PLA2G4B: variants seen among roughly 807,000 people sequenced by gnomAD.
The protein encoded by PLA2G4B is phospholipase A2 group IVB, also known as cytosolic phospholipase A2 beta.
Under a neutral mutation model 95.8 loss-of-function variants are expected in PLA2G4B, and 122 were observed. The ratio of observed to expected loss-of-function variants is 1.27; its 90% CI spans 1.10 to 1.48. PLA2G4B has a LOEUF of 1.48. Among genes scored for constraint, PLA2G4B ranks in the 40% most tolerant of loss-of-function variants. The pLI is 0.00. For synonymous variants in PLA2G4B, 518 were observed against 421.5 expected (o/e 1.23, Z -2.80); for missense variants, 1,158 against 996.2 (o/e 1.16, Z -2.19).
intron 10 of PLA2G4B, 149 bp downstream of exon 10, chr15:41,842,740 G>A (rs1394700033): frequency 1.9e-5 from 23 of 1,235,816 alleles, no homozygotes; most frequent in African/African-American, 4.6e-5. Context: ...GAGGGGGCAC[G>A]AAGTACTGGG....
rs796957985 is a variant in PLA2G4B, at chr15:41,845,509, A to T, written c.1358-129A>T. ...GAGGCAGGGGCCTTAGGTCCTATGC[A>T]CGAAGCCCAGGCCACAAGGCCTGGG... On this transcript the variant is annotated intron_variant, in intron 14 of 19. Coordinates refer to ENST00000458483, the MANE Select transcript of PLA2G4B (RefSeq NM_001114633.2). The T allele has an allele frequency of 1.6e-5, 24 of 1,498,204 alleles. No individual in the cohort carries two copies. The African/African-American group carries it at 2.9e-4, about 18-fold the overall frequency. 92.8% of individuals were successfully genotyped at this position (1,498,204 alleles called of 1,614,324 possible).
At chr15:41,847,298 G>T (rs757897823) in intron 18 of PLA2G4B, 39 bp from the exon 19 acceptor site, 1 of 1,557,244 alleles carries the variant, frequency 6.4e-7, no homozygotes, top group South Asian at 1.2e-5. Flanking sequence ...GGATGCCAGG[G>T]GCCCTGTCCC....
At chr15:41,846,595 CAG>C (rs1047369417) in intron 17 of PLA2G4B, 72 bp from the exon 18 acceptor site, 41 of 1,541,348 alleles carry the variant, frequency 2.7e-5, no homozygotes, top group Non-Finnish European at 3.1e-5. Flanking sequence ...GACCAGAGGC[CAG>C]AGTCTCTCCT....
In PLA2G4B at chr15:41,846,805, A is replaced by G; in HGVS notation, c.1917A>G (p.Ser639=). 1 of 1,612,824 alleles carries G rather than the reference A, an allele frequency of 6.2e-7. No homozygotes were observed. Among genetic ancestry groups the G allele is most frequent in the Non-Finnish European group, 8.5e-7 (1 of 1,179,124 alleles). The change falls in exon 18 of 20, where the codon TCA becomes TCG. Residue 639 remains serine (S), a synonymous_variant. Transcript: ENST00000458483. ...CTCGGGACGTGGACCTCATCCTGTC[A>G]TTGGACTACAACCTCCACGGAGCCT... ...QPTRDVDLIL[S]LDYNLHGAFQ...
chr15:41,841,870 A>G lies in PLA2G4B; in HGVS notation c.542A>G (p.Gln181Arg). ...GTTCCTGGGTCCTGTGAGGGTCCGCAGGAGGCCTCTGTGGGCACTGGCACC... is the reference window on the plus strand; with the variant it reads ...GTTCCTGGGTCCTGTGAGGGTCCGCGGGAGGCCTCTGTGGGCACTGGCACC... ...LVVPGSCEGPQEASVGTGTFR... is the reference protein window; with the variant it reads ...LVVPGSCEGPREASVGTGTFR... Residue 181 changes from glutamine (Q) to arginine (R), a missense_variant, in exon 8 of 20, where the codon CAG becomes CGG. Transcript: ENST00000458483. The G allele has an allele frequency of 6.2e-7, 1 of 1,613,442 alleles. No homozygotes were observed.
At chr15:41,840,284 TGAG>T in intron 2 of PLA2G4B, 54 bp downstream of exon 2, 3 of 1,586,066 alleles carry the variant, frequency 1.9e-6, no homozygotes, top group African/African-American at 1.3e-5. Flanking sequence ...AGGAGGGTGC[TGAG>T]GAGGAGGGTG....
chr15:41,843,561 T>C, intron 10 of PLA2G4B, 115 bp from the exon 11 acceptor site: 1 of 1,487,776 alleles, frequency 6.7e-7, no homozygotes, highest in Non-Finnish European at 9.0e-7. Context: ...GGGAGTGGCA[T>C]TGAGGGTTGG....
Position 41,840,900 on chromosome 15 carries a change from C to A in PLA2G4B, c.346C>A (p.Pro116Thr), listed in dbSNP as rs370039528. The change falls in exon 4 of 20, where the codon CCT becomes ACT. Residue 116 changes from proline to threonine, a missense_variant. By Grantham distance (38) the Pro-to-Thr change is conservative (BLOSUM62 -1). Transcript: ENST00000458483. ...EFRRESFSLS[P>T]QGEGRLEVEF... Reference sequence around the variant, plus strand: ...CCGGCGCGAGAGCTTCTCACTGAGCCCTCAGGCAAGGCGGTGTTTCCACGG... The same window carrying A: ...CCGGCGCGAGAGCTTCTCACTGAGCACTCAGGCAAGGCGGTGTTTCCACGG... 2.5e-6 allele frequency: 4 copies of A among 1,612,758 alleles called. No homozygotes were observed. The highest frequency in any genetic ancestry group is 3.4e-6 in the Non-Finnish European group (4 of 1,178,918).
chr15:41,847,941 C>T lies in PLA2G4B; in HGVS notation c.*81C>T. 6.6e-7 allele frequency: 1 copy of T among 1,503,790 alleles called. No individual in the cohort carries two copies. The highest frequency in any genetic ancestry group is 8.9e-7 in the Non-Finnish European group (1 of 1,124,810). 93.2% of individuals were successfully genotyped at this position (1,503,790 alleles called of 1,614,324 possible). A position where few individuals can be genotyped will look rare whatever the true frequency, so the allele number is the denominator to read the frequency against. On this transcript the variant is annotated 3_prime_UTR_variant, in exon 20 of 20. Transcript: ENST00000458483. ...AGGTGGGAACTGTCATCACGCAGTG[C>T]TTCAGAGCCTCGGGCTCAGGTGGCA...
At chr15:41,847,131 G>C (rs2065573419) in intron 18 of PLA2G4B, among the ~76,000 whole-genome samples, 1 of 152,190 alleles carries the variant, frequency 6.6e-6, no homozygotes, top group East Asian at 1.9e-4. Flanking sequence ...GGAATGCTGG[G>C]AGTAACCCGG....
chr15:41,844,893 C>T lies in PLA2G4B; in HGVS notation c.1062C>T (p.Asp354=), dbSNP rs908565246. Residue 354 remains aspartate, a synonymous_variant, in exon 13 of 20, where the codon GAC becomes GAT. Coordinates refer to ENST00000458483, the MANE Select transcript of PLA2G4B (RefSeq NM_001114633.2). ...LYEDPEWSQK[D]LAGPTELLKT... Reference sequence around the variant, plus strand: ...AGGACCCAGAGTGGTCTCAGAAGGACCTGGCAGGGCCCACTGAGTTGCTGA... The same window carrying T: ...AGGACCCAGAGTGGTCTCAGAAGGATCTGGCAGGGCCCACTGAGTTGCTGA... 1 of 1,611,322 alleles carries T rather than the reference C, an allele frequency of 6.2e-7. No homozygotes were observed. The highest frequency in any genetic ancestry group is 8.5e-7 in the Non-Finnish European group (1 of 1,179,128).
chr15:41,845,920 T>G, intron 15 of PLA2G4B, 23 bp from the exon 16 acceptor site: 1 of 1,514,992 alleles, frequency 6.6e-7, no homozygotes, highest in South Asian at 1.3e-5. Context: ...GGGGGCCCTC[T>G]TCCCTCACGG....
At chr15:41,842,056 C>A in intron 8 of PLA2G4B, 107 bp downstream of exon 8, 1 of 1,559,806 alleles carries the variant, frequency 6.4e-7, no homozygotes. Flanking sequence ...GGCACCCTGG[C>A]AGCATGTGTG....
At position 41,841,774 on chromosome 15, in the gene PLA2G4B, C is replaced by G. The variant is rs751026806; in HGVS notation, c.491-45C>G. The G allele has an allele frequency of 5.6e-6, 9 of 1,602,524 alleles. No individual in the cohort carries two copies. In the Admixed American group the frequency reaches 1.5e-4, roughly 27 times the overall value. On this transcript the variant is annotated intron_variant, in intron 7 of 19. Coordinates refer to ENST00000458483, the MANE Select transcript of PLA2G4B (RefSeq NM_001114633.2). ...CACGCAGCAAGATGGGTTCTGTGGG[C>G]AGAGATACCGTCCCCAGCCTCTCTG...
intron 16 of PLA2G4B, 65 bp downstream of exon 16, chr15:41,846,112 G>T: frequency 6.3e-7 from 1 of 1,575,006 alleles, no homozygotes; most frequent in Non-Finnish European, 8.6e-7. Flanking sequence ...ACCAGGGGGC[G>T]GGGGGTTCAC....
intron 13 of PLA2G4B, 24 bp downstream of exon 13, chr15:41,845,094 C>T (rs2140895523): frequency 1.3e-6 from 2 of 1,595,960 alleles, no homozygotes; most frequent in East Asian, 2.3e-5. Context: ...GGCCTGGGGG[C>T]AGAGCCAGGG....
In PLA2G4B at chr15:41,848,106, G is replaced by GTAGT. The variant is rs2065615904; in HGVS notation, c.*248_*251dup. 3.4e-6 allele frequency: 2 copies of GTAGT among 591,166 alleles called. No homozygotes were observed. The highest frequency in any genetic ancestry group is 1.9e-5 in the African/African-American group (1 of 53,572). The allele number at this position is 591,166 out of a possible 1,614,324, so 36.6% of individuals were successfully genotyped here. On this transcript the variant is annotated 3_prime_UTR_variant, in exon 20 of 20. Transcript: ENST00000458483. Reference sequence around the variant, plus strand: ...TGTTTTCCCTTCTGCGCTACCTTGAGTAGTTGGAGCACTTGATACATCACA... The same window carrying GTAGT: ...TGTTTTCCCTTCTGCGCTACCTTGAGTAGTTAGTTGGAGCACTTGATACATCACA...
chr15:41,839,141 C>T (rs1472178208), intron 1 of PLA2G4B: 1 of 424,034 alleles, frequency 2.4e-6, no homozygotes. Context: ...GGGCTCCTGG[C>T]AGAGCTCCCT....
In PLA2G4B at chr15:41,845,315, T is replaced by C. The variant is rs1352116212; in HGVS notation, c.1352T>C (p.Phe451Ser). The C allele has an allele frequency of 6.2e-7, 1 of 1,613,766 alleles. No individual in the cohort carries two copies. The highest frequency in any genetic ancestry group is 1.3e-5 in the African/African-American group (1 of 75,024). ...GGGCAGAGCCTGACCACTTTTGAATTTGGGGGTGAGTGGCCCAAGAGCTGA... is the reference window on the plus strand; with the variant it reads ...GGGCAGAGCCTGACCACTTTTGAATCTGGGGGTGAGTGGCCCAAGAGCTGA... The part of the protein sequence containing the change: ...TKGQSLTTFE[F>S]GEWCEFSPYE... The change falls in exon 14 of 20, where the codon TTT becomes TCT. Residue 451 changes from phenylalanine to serine, a missense_variant. By Grantham distance (155) the Phe-to-Ser change is radical (BLOSUM62 -2). Coordinates refer to ENST00000458483, the MANE Select transcript of PLA2G4B (RefSeq NM_001114633.2).
Sources: allele counts gnomAD v4.1 joint callset (sites outside exome capture counted in the v4.1 genomes callset), GRCh38; gene constraint gnomAD v4.1.1; transcripts MANE v1.5; gene names NCBI Gene and HGNC (gene_info 2026-07-23, HGNC 2026-07-21).